The following HPSE2 variants were observed in gnomAD, a reference collection of about 807,000 sequenced individuals.
The protein encoded by HPSE2 is inactive heparanase-2.
A neutral mutation model predicts 60.5 loss-of-function variants in HPSE2; 38 were observed. That is an observed-to-expected ratio of 0.63 (90% CI 0.48 to 0.82). HPSE2 has a LOEUF of 0.82. Among genes scored for constraint, HPSE2 ranks in the 40% least tolerant of loss-of-function variants. The probability of loss-of-function intolerance (pLI) is 0.00; values close to 1 mark genes in which losing one functional copy is unlikely to be tolerated. For synonymous variants in HPSE2, 295 were observed against 293.2 expected (o/e 1.01, Z -0.06); for missense variants, 713 against 740.4 (o/e 0.96, Z 0.43).
chr10:99,253,101 T>G, the HPSE2 span, among the ~76,000 whole-genome samples: 1 of 152,236 alleles, frequency 6.6e-6, no homozygotes, highest in Non-Finnish European at 1.5e-5. Context: ...AAACTACCAA[T>G]GTCATTTTTC....
chr10:99,091,869 ACGG>A (rs2135599258), intron 3 of HPSE2, among the ~76,000 whole-genome samples: 1 of 152,290 alleles, frequency 6.6e-6, no homozygotes, highest in African/African-American at 2.4e-5. Context: ...AAAATTCACT[ACGG>A]ATTTTTAATT....
chr10:98,883,235 A>C (rs1953074988), intron 3 of HPSE2, among the ~76,000 whole-genome samples: 1 of 152,104 alleles, frequency 6.6e-6, no homozygotes, highest in African/African-American at 2.4e-5. Flanking sequence ...TAACAGTAAA[A>C]ACTTCTCAAT....
Position 99,000,035 on chromosome 10 carries a change from A to T in HPSE2, c.610+144203T>A, listed in dbSNP as rs116568802. Among the ~76,000 whole-genome samples, 599 of 152,260 alleles carry T rather than the reference A, an allele frequency of 3.9e-3. 2 individuals carry two copies. The highest frequency in any genetic ancestry group is 0.013 in the African/African-American group (557 of 41,552). On this transcript the variant is annotated intron_variant, in intron 3 of 11. Coordinates refer to ENST00000370552, the MANE Select transcript of HPSE2 (RefSeq NM_021828.5). ...TGGCAAACTAGGACAGAATGGAGAG[A>T]AAAATAAAAATAAAAACAATCCTTG...
At chr10:99,273,880 T>C in the HPSE2 span, among the ~76,000 whole-genome samples, 1 of 152,182 alleles carries the variant, frequency 6.6e-6, no homozygotes, top group Non-Finnish European at 1.5e-5. Context: ...CCATGATCCT[T>C]TGGCCAGTGA....
the HPSE2 span, among the ~76,000 whole-genome samples, chr10:99,294,892 G>GCGCCA: frequency 3.3e-5 from 5 of 151,878 alleles, no homozygotes; most frequent in Admixed American, 6.6e-5. Context: ...GTAAGTGGAG[G>GCGCCA]TTGCAGTGAG....
chr10:99,153,098 C>A (rs553628988), intron 2 of HPSE2, among the ~76,000 whole-genome samples: 25 of 152,300 alleles, frequency 1.6e-4, no homozygotes, highest in Admixed American at 7.8e-4. Flanking sequence ...CTCGGAGGGT[C>A]CTACGCCCAC....
chr10:99,291,534 A>T, the HPSE2 span, among the ~76,000 whole-genome samples: 4 of 149,662 alleles, frequency 2.7e-5, no homozygotes, highest in South Asian at 8.5e-4. Context: ...CAGTGAGCCG[A>T]GATCGCGCCA....
upstream of HPSE2, among the ~76,000 whole-genome samples, chr10:99,240,544 G>A (rs549606901): frequency 1.3e-5 from 2 of 151,760 alleles, no homozygotes; most frequent in African/African-American, 4.8e-5. Flanking sequence ...CCAAGTAGCT[G>A]GGACTACAGG....
chr10:99,128,256 G>A (rs569164567), intron 3 of HPSE2, among the ~76,000 whole-genome samples: 5 of 152,252 alleles, frequency 3.3e-5, no homozygotes, highest in East Asian at 3.9e-4. Context: ...CAACCATAGC[G>A]GAAGATGATG....
chr10:99,152,433 G>A (rs537010311), intron 2 of HPSE2, among the ~76,000 whole-genome samples: 3 of 151,952 alleles, frequency 2.0e-5, no homozygotes, highest in Non-Finnish European at 4.4e-5. Flanking sequence ...AGATACACAG[G>A]AAGAAATGAA....
intron 3 of HPSE2, among the ~76,000 whole-genome samples, chr10:98,811,361 G>A (rs1203192002): frequency 6.6e-6 from 1 of 152,042 alleles, no homozygotes; most frequent in Non-Finnish European, 1.5e-5. Flanking sequence ...ATGAAAGTAG[G>A]GGTGACAGTG....
At chr10:98,748,256 G>T (rs1057145011) in intron 3 of HPSE2, among the ~76,000 whole-genome samples, 1 of 152,156 alleles carries the variant, frequency 6.6e-6, no homozygotes, top group African/African-American at 2.4e-5. Context: ...AGTGAGCCAA[G>T]ATCACACCAT....
At chr10:98,933,758 G>A (rs1175877946) in intron 3 of HPSE2, among the ~76,000 whole-genome samples, 1 of 139,628 alleles carries the variant, frequency 7.2e-6, no homozygotes, top group East Asian at 2.0e-4. Context: ...TTGAGATGGA[G>A]TCTTGCTCTT....
chr10:99,001,265 T>C (rs971698246), intron 3 of HPSE2, among the ~76,000 whole-genome samples: 1 of 152,078 alleles, frequency 6.6e-6, no homozygotes, highest in Non-Finnish European at 1.5e-5. Flanking sequence ...TCTCTCACTA[T>C]AGGTCACAGC....
At chr10:99,099,790 G>A (rs958926905) in intron 3 of HPSE2, among the ~76,000 whole-genome samples, 13 of 152,114 alleles carry the variant, frequency 8.5e-5, no homozygotes, top group East Asian at 1.9e-4. Flanking sequence ...CCTCTGAGAC[G>A]AAGCTTCCAG....
chr10:99,125,951 T>A (rs1489737785), intron 3 of HPSE2, among the ~76,000 whole-genome samples: 1 of 152,106 alleles, frequency 6.6e-6, no homozygotes, highest in South Asian at 2.1e-4. Flanking sequence ...TAATTTTGAC[T>A]GGGAGTGAAT....
rs111744829 is a variant in HPSE2, at chr10:98,601,839, C to T, written c.1320+13065G>A. Among the ~76,000 whole-genome samples, 1,015 of 152,290 alleles carry T rather than the reference C, an allele frequency of 6.7e-3. 10 individuals carry two copies. Among genetic ancestry groups the T allele is most frequent in the African/African-American group, 0.024 (978 of 41,556 alleles). On this transcript the variant is annotated intron_variant, in intron 9 of 11. Coordinates refer to ENST00000370552, the MANE Select transcript of HPSE2 (RefSeq NM_021828.5). ...GGCCAGGGAAACTGATGCAAATATG[C>T]TAATGATGCTTGCTGAGTAGATAAA...
intron 3 of HPSE2, among the ~76,000 whole-genome samples, chr10:98,953,032 C>T (rs2135200357): frequency 6.6e-6 from 1 of 152,262 alleles, no homozygotes; most frequent in East Asian, 1.9e-4. Context: ...ACACCCAACA[C>T]ACACTTTCTC....
At chr10:98,536,816 G>A (rs1384480835) in intron 9 of HPSE2, among the ~76,000 whole-genome samples, 7 of 152,162 alleles carry the variant, frequency 4.6e-5, no homozygotes, top group Admixed American at 4.6e-4. Context: ...AGTTTACTCA[G>A]AGGAAAACAA....
Sources: allele counts gnomAD v4.1 joint callset (sites outside exome capture counted in the v4.1 genomes callset), GRCh38; gene constraint gnomAD v4.1.1; transcripts MANE v1.5; gene names NCBI Gene and HGNC (gene_info 2026-07-23, HGNC 2026-07-21).